Variants in KIAA1549 observed in about 807,000 individuals in gnomAD.
KIAA1549 encodes the protein KIAA1549, also known as UPF0606 protein KIAA1549.
KIAA1549 carries 70 observed loss-of-function variants against 156.4 expected under a neutral mutation model. The ratio of observed to expected loss-of-function variants is 0.45; its 90% CI spans 0.37 to 0.55. KIAA1549 has a LOEUF of 0.55. Ranked by LOEUF, KIAA1549 falls within the 20% of genes least tolerant of loss-of-function variation. The pLI is 0.00. For missense variants in KIAA1549, 2,428 were observed against 2,540.9 expected (o/e 0.96, Z 0.96); for synonymous variants, 1,103 against 1,066.4 (o/e 1.03, Z -0.67).
chr7:138,915,179 G>C (rs560325791), intron 2 of KIAA1549, among the ~76,000 whole-genome samples: 16 of 152,228 alleles, frequency 1.1e-4, no homozygotes, highest in African/African-American at 3.6e-4. Context: ...ATCCCCAGAT[G>C]ACAATTCTAC....
intron 16 of KIAA1549, among the ~76,000 whole-genome samples, chr7:138,856,085 G>A (rs1216648928): frequency 6.8e-6 from 1 of 148,040 alleles, no homozygotes; most frequent in Non-Finnish European, 1.5e-5. Context: ...AGGCCGGACT[G>A]CAGTGGCACT....
At chr7:138,910,942 G>A (rs960966980) in intron 4 of KIAA1549, among the ~76,000 whole-genome samples, 3 of 151,806 alleles carry the variant, frequency 2.0e-5, no homozygotes, top group Non-Finnish European at 2.9e-5. Flanking sequence ...TGAGGCAGGA[G>A]GATTGTTCGA....
chr7:138,832,591 G>A lies in KIAA1549; in HGVS notation c.*5315C>T, dbSNP rs990989158. ...ATCCTGGATAATTATCTACCCTGTGGGAAGCCATTTTAACTATACTGCATT... is the reference window on the plus strand; with the variant it reads ...ATCCTGGATAATTATCTACCCTGTGAGAAGCCATTTTAACTATACTGCATT... On this transcript the variant is annotated 3_prime_UTR_variant, in exon 20 of 20. Coordinates refer to ENST00000422774, the MANE Select transcript of KIAA1549 (RefSeq NM_001164665.2). 36 of 207,700 alleles carry A rather than the reference G, an allele frequency of 1.7e-4. No individual in the cohort carries two copies. The highest frequency in any genetic ancestry group is 7.7e-4 in the African/African-American group (34 of 44,010). 12.9% of individuals were successfully genotyped at this position (207,700 alleles called of 1,614,324 possible). A position where few individuals can be genotyped will look rare whatever the true frequency, so the allele number is the denominator to read the frequency against.
chr7:138,978,526 A>G (rs1203713875), intron 1 of KIAA1549, among the ~76,000 whole-genome samples: 2 of 152,228 alleles, frequency 1.3e-5, no homozygotes, highest in African/African-American at 4.8e-5. Flanking sequence ...TGAAATACAA[A>G]TAGACAAGAA....
intron 1 of KIAA1549, among the ~76,000 whole-genome samples, chr7:138,920,991 C>T (rs1812549147): frequency 6.6e-6 from 1 of 152,154 alleles, no homozygotes; most frequent in Non-Finnish European, 1.5e-5. Context: ...CGTGCTGAAT[C>T]CAGGAATAAA....
intron 2 of KIAA1549, among the ~76,000 whole-genome samples, chr7:138,913,509 C>A (rs567271840): frequency 6.6e-6 from 1 of 152,112 alleles, no homozygotes; most frequent in Non-Finnish European, 1.5e-5. Flanking sequence ...CATCAACTTC[C>A]CATAATGCAG....
chr7:138,948,811 G>T (rs1327108787), intron 1 of KIAA1549, among the ~76,000 whole-genome samples: 2 of 151,486 alleles, frequency 1.3e-5, no homozygotes, highest in Admixed American at 6.6e-5. Context: ...TCCCACCTCA[G>T]CCTCCCGAGT....
chr7:138,973,076 C>CCCA (rs1220824300), intron 1 of KIAA1549, among the ~76,000 whole-genome samples: 3 of 152,162 alleles, frequency 2.0e-5, no homozygotes, highest in Admixed American at 2.0e-4. Context: ...CCTGCCTGGG[C>CCCA]CTCCCAAAGT....
chr7:138,898,104 C>T (rs142287531), intron 9 of KIAA1549, among the ~76,000 whole-genome samples: 3 of 151,250 alleles, frequency 2.0e-5, no homozygotes, highest in African/African-American at 7.3e-5. Flanking sequence ...GTCAAGAGAT[C>T]GAGACCATCC....
At chr7:138,904,381 G>T (rs759367874) in intron 7 of KIAA1549, among the ~76,000 whole-genome samples, 2 of 152,180 alleles carry the variant, frequency 1.3e-5, no homozygotes, top group Non-Finnish European at 2.9e-5. Flanking sequence ...CATGCAAAGC[G>T]ATAGGACCTT....
chr7:138,929,206 T>C (rs1488187131), intron 1 of KIAA1549, among the ~76,000 whole-genome samples: 1 of 152,330 alleles, frequency 6.6e-6, no homozygotes. Flanking sequence ...TTGGAGTGAA[T>C]CCTCTCAAAC....
chr7:138,911,831 C>T (rs548734367), intron 3 of KIAA1549, among the ~76,000 whole-genome samples: 1 of 152,220 alleles, frequency 6.6e-6, no homozygotes. Context: ...GTATTTTCCA[C>T]CCACAGCCCA....
At chr7:138,922,187 C>T (rs905234596) in intron 1 of KIAA1549, among the ~76,000 whole-genome samples, 1 of 152,148 alleles carries the variant, frequency 6.6e-6, no homozygotes, top group Non-Finnish European at 1.5e-5. Flanking sequence ...AACGTCATCC[C>T]GAGTGTGGAA....
chr7:138,896,727 C>T (rs751404715), intron 9 of KIAA1549, among the ~76,000 whole-genome samples: 13 of 151,738 alleles, frequency 8.6e-5, no homozygotes, highest in Admixed American at 3.9e-4. Flanking sequence ...CCCCAAGTAA[C>T]TGGGACCACA....
intron 1 of KIAA1549, among the ~76,000 whole-genome samples, chr7:138,963,724 C>G (rs780504290): frequency 3.3e-5 from 5 of 152,188 alleles, no homozygotes; most frequent in Non-Finnish European, 7.4e-5. Flanking sequence ...CTTCCTCCCA[C>G]CAAAATTCCA....
intron 15 of KIAA1549, among the ~76,000 whole-genome samples, chr7:138,862,831 G>A (rs1810627220): frequency 6.6e-6 from 1 of 152,208 alleles, no homozygotes; most frequent in African/African-American, 2.4e-5. Context: ...TCAGGAGGCT[G>A]AAGCAGGAGA....
At chr7:138,890,728 C>T (rs998461508) in intron 10 of KIAA1549, among the ~76,000 whole-genome samples, 2 of 152,330 alleles carry the variant, frequency 1.3e-5, no homozygotes, top group African/African-American at 4.8e-5. Context: ...ACGATATGCT[C>T]ACAGAGCCTC....
At chr7:138,844,266 T>C in intron 18 of KIAA1549, 51 bp downstream of exon 18, 1 of 1,608,090 alleles carries the variant, frequency 6.2e-7, no homozygotes, top group South Asian at 1.1e-5. Flanking sequence ...AAAGTTTCTT[T>C]CAAGTAAATG....
intron 1 of KIAA1549, among the ~76,000 whole-genome samples, chr7:138,946,316 GA>G (rs1475286098): frequency 6.6e-6 from 1 of 152,058 alleles, no homozygotes; most frequent in Admixed American, 6.5e-5. Context: ...TGGCCTTTAA[GA>G]GAAAAAGACT....
Sources: allele counts gnomAD v4.1 joint callset (sites outside exome capture counted in the v4.1 genomes callset), GRCh38; gene constraint gnomAD v4.1.1; transcripts MANE v1.5; gene names NCBI Gene and HGNC (gene_info 2026-07-23, HGNC 2026-07-21).